ATP2B2: variants seen among roughly 807,000 people sequenced by gnomAD.
ATP2B2 encodes plasma membrane calcium-transporting ATPase 2.
Under a neutral mutation model 120.0 loss-of-function variants are expected in ATP2B2, and 15 were observed. The observed-to-expected ratio is 0.12, with a 90% CI of 0.08 to 0.19. The LOEUF (loss-of-function observed/expected upper bound fraction) is 0.19. Among genes scored for constraint, ATP2B2 ranks in the 10% least tolerant of loss-of-function variants. The pLI is 1.00. For synonymous variants in ATP2B2, 694 were observed against 700.3 expected (o/e 0.99, Z 0.14); for missense variants, 1,045 against 1,719.8 (o/e 0.61, Z 6.94).
At chr3:10,561,819 G>A (rs565729743) in intron 2 of ATP2B2, among the ~76,000 whole-genome samples, 2 of 152,192 alleles carry the variant, frequency 1.3e-5, no homozygotes, top group Non-Finnish European at 2.9e-5. Context: ...ATGTGGAACT[G>A]TAAGTCCATT....
At chr3:10,428,564 C>T (rs1048485023) in intron 2 of ATP2B2, among the ~76,000 whole-genome samples, 5 of 152,230 alleles carry the variant, frequency 3.3e-5, no homozygotes, top group Non-Finnish European at 7.3e-5. Context: ...ACTGGGCCAA[C>T]ACCTGGTTGC....
chr3:10,646,547 T>C (rs1399928648), intron 1 of ATP2B2, among the ~76,000 whole-genome samples: 1 of 152,096 alleles, frequency 6.6e-6, no homozygotes, highest in Non-Finnish European at 1.5e-5. Flanking sequence ...TTAGGCTCTG[T>C]GAGCTCTTAA....
At chr3:10,553,159 A>G (rs2067705443) in intron 2 of ATP2B2, among the ~76,000 whole-genome samples, 1 of 152,240 alleles carries the variant, frequency 6.6e-6, no homozygotes, top group Non-Finnish European at 1.5e-5. Context: ...ATGGAGTATT[A>G]TTATTTACTA....
chr3:10,701,473 T>A (rs2071816294), intron 1 of ATP2B2, among the ~76,000 whole-genome samples: 1 of 152,214 alleles, frequency 6.6e-6, no homozygotes, highest in South Asian at 2.1e-4. Flanking sequence ...TTAGGCAAGG[T>A]GGCCTCATCC....
chr3:10,625,009 T>G (rs949251423), intron 1 of ATP2B2, among the ~76,000 whole-genome samples: 1 of 152,182 alleles, frequency 6.6e-6, no homozygotes, highest in Non-Finnish European at 1.5e-5. Flanking sequence ...TGGCGGCAGC[T>G]TTGGTATTTC....
chr3:10,576,444 C>T (rs2068249315), intron 2 of ATP2B2, among the ~76,000 whole-genome samples: 1 of 152,124 alleles, frequency 6.6e-6, no homozygotes, highest in Admixed American at 6.5e-5. Context: ...GCAGTGGTAT[C>T]ATCATGGCTC....
intron 1 of ATP2B2, among the ~76,000 whole-genome samples, chr3:10,643,037 G>C (rs575697291): frequency 1.6e-4 from 25 of 152,252 alleles, no homozygotes; most frequent in African/African-American, 4.8e-4. Context: ...ATGCCGGAAA[G>C]TCAAGGAGAT....
intron 1 of ATP2B2, among the ~76,000 whole-genome samples, chr3:10,476,895 G>GTGC (rs2065225019): frequency 6.6e-6 from 1 of 152,202 alleles, no homozygotes; most frequent in African/African-American, 2.4e-5. Context: ...CACCCTGGGG[G>GTGC]TGCTGGGTCT....
intron 2 of ATP2B2, among the ~76,000 whole-genome samples, chr3:10,443,667 GA>G (rs2063743094): frequency 6.6e-6 from 1 of 152,150 alleles, no homozygotes; most frequent in Non-Finnish European, 1.5e-5. Context: ...TGAGGTCCTG[GA>G]GCCAGCCGTG....
intron 1 of ATP2B2, among the ~76,000 whole-genome samples, chr3:10,702,343 C>T (rs1372765297): frequency 3.9e-5 from 6 of 152,200 alleles, no homozygotes; most frequent in East Asian, 1.9e-4. Flanking sequence ...GTGCTTACCG[C>T]GTGTGCCAGG....
chr3:10,459,486 T>C (rs937382802), intron 1 of ATP2B2, among the ~76,000 whole-genome samples: 1 of 151,886 alleles, frequency 6.6e-6, no homozygotes, highest in Non-Finnish European at 1.5e-5. Flanking sequence ...CTCAGCCACA[T>C]CCCACCATCC....
At chr3:10,471,551 G>A (rs897640814) in intron 1 of ATP2B2, among the ~76,000 whole-genome samples, 2 of 152,038 alleles carry the variant, frequency 1.3e-5, no homozygotes, top group Non-Finnish European at 2.9e-5. Context: ...AGGAACTTGA[G>A]AGGCTAGGAG....
chr3:10,589,193 C>G (rs998961672), intron 2 of ATP2B2, among the ~76,000 whole-genome samples: 2 of 152,138 alleles, frequency 1.3e-5, no homozygotes, highest in South Asian at 4.1e-4. Context: ...CCAGCCACTC[C>G]CATTTGCCCA....
intron 1 of ATP2B2, among the ~76,000 whole-genome samples, chr3:10,636,604 A>T (rs77625124): frequency 0.023 from 3,494 of 152,322 alleles, 67 homozygotes; most frequent in South Asian, 0.086. Flanking sequence ...TGAGCAAAAT[A>T]TACAAAACAA....
At chr3:10,415,766 C>A (rs948103584) in intron 2 of ATP2B2, among the ~76,000 whole-genome samples, 1 of 152,200 alleles carries the variant, frequency 6.6e-6, no homozygotes, top group African/African-American at 2.4e-5. Flanking sequence ...AAAATTAATA[C>A]AGTGTGTCAA....
At chr3:10,606,979 A>T in intron 2 of ATP2B2, among the ~76,000 whole-genome samples, 1 of 45,832 alleles carries the variant, frequency 2.2e-5, no homozygotes, top group South Asian at 1.2e-3. Context: ...AGAGAGAGAG[A>T]AAGAAAGAGA....
At chr3:10,419,021 C>T (rs2062883220) in intron 2 of ATP2B2, among the ~76,000 whole-genome samples, 1 of 152,228 alleles carries the variant, frequency 6.6e-6, no homozygotes, top group South Asian at 2.1e-4. Context: ...GGGTTCAAAT[C>T]CCAGCAGCTC....
chr3:10,457,831 G>A (rs1285315667), intron 1 of ATP2B2, among the ~76,000 whole-genome samples: 3 of 151,990 alleles, frequency 2.0e-5, no homozygotes, highest in Admixed American at 6.6e-5. Flanking sequence ...CAAAGAAACC[G>A]CCTTGCATCA....
At chr3:10,628,482 C>G (rs114766858) in intron 1 of ATP2B2, among the ~76,000 whole-genome samples, 1 of 151,988 alleles carries the variant, frequency 6.6e-6, no homozygotes, top group Non-Finnish European at 1.5e-5. Flanking sequence ...TGCCTCCTTT[C>G]GCAGCTCTCT....
Sources: gnomAD v4.1 joint callset for allele counts (sites outside exome capture counted in the v4.1 genomes callset) on GRCh38, gnomAD v4.1.1 for gene constraint, MANE v1.5 for transcripts, NCBI Gene and HGNC (gene_info 2026-07-23, HGNC 2026-07-21) for gene names.